Variants in TTC28 observed in about 807,000 individuals in gnomAD.
TTC28 encodes the protein tetratricopeptide repeat protein 28.
TTC28 carries 61 observed loss-of-function variants against 198.0 expected under a neutral mutation model. The observed-to-expected ratio is 0.31, with a 90% CI of 0.25 to 0.38. The LOEUF (loss-of-function observed/expected upper bound fraction) is 0.38. Among genes scored for constraint, TTC28 ranks in the 10% least tolerant of loss-of-function variants. The pLI is 1.00. For synonymous variants in TTC28, 1,171 were observed against 1,297.8 expected (o/e 0.90, Z 2.10); for missense variants, 2,678 against 3,164.0 (o/e 0.85, Z 3.69).
chr22:28,449,565 G>C lies in TTC28; in HGVS notation c.382-142922C>G, dbSNP rs140400698. ...TTAAGCAAATTCCCAATGTATCATG[G>C]CTAGAAAGTAGAAGAAAGGAAATTC... On this transcript the variant is annotated intron_variant, in intron 2 of 22. Coordinates refer to ENST00000397906, the MANE Select transcript of TTC28 (RefSeq NM_001145418.2). 2.7e-4 allele frequency among the ~76,000 whole-genome samples: 41 copies of C among 152,322 alleles called. No homozygotes were observed. In the East Asian group the frequency reaches 7.5e-3, roughly 28 times the overall value.
intron 12 of TTC28, among the ~76,000 whole-genome samples, chr22:28,082,127 T>C (rs1467892806): frequency 6.6e-6 from 1 of 152,256 alleles, no homozygotes; most frequent in East Asian, 1.9e-4. Flanking sequence ...TTACTAAATC[T>C]GTTTATTAGC....
chr22:28,621,805 T>C (rs1256179370), intron 2 of TTC28, among the ~76,000 whole-genome samples: 2 of 150,504 alleles, frequency 1.3e-5, no homozygotes, highest in South Asian at 2.1e-4. Flanking sequence ...ATGAAGGAAT[T>C]ATTTACCAAT....
intron 1 of TTC28, among the ~76,000 whole-genome samples, chr22:28,631,246 A>G (rs2051169062): frequency 6.6e-6 from 1 of 152,218 alleles, no homozygotes; most frequent in South Asian, 2.1e-4. Flanking sequence ...GTTTTAAAAT[A>G]AAAAATAAGG....
intron 5 of TTC28, among the ~76,000 whole-genome samples, chr22:28,194,563 A>C (rs2147137770): frequency 6.6e-6 from 1 of 152,286 alleles, no homozygotes; most frequent in South Asian, 2.1e-4. Context: ...AAAAGAGAGA[A>C]GAGTCAAATA....
At chr22:28,086,553 A>G (rs1941608170) in intron 12 of TTC28, among the ~76,000 whole-genome samples, 1 of 152,222 alleles carries the variant, frequency 6.6e-6, no homozygotes, top group South Asian at 2.1e-4. Context: ...TGCCCACAAG[A>G]GAAAGCAGGA....
Position 28,400,437 on chromosome 22 carries a change from C to T in TTC28, c.382-93794G>A, listed in dbSNP as rs2046889084. 3.9e-5 allele frequency among the ~76,000 whole-genome samples: 6 copies of T among 152,124 alleles called. No homozygotes were observed. The South Asian group carries it at 6.2e-4, about 16-fold the overall frequency. On this transcript the variant is annotated intron_variant, in intron 2 of 22. Coordinates refer to ENST00000397906, the MANE Select transcript of TTC28 (RefSeq NM_001145418.2). ...TTCTTATTTTAAATTAATCTTTTAG[C>T]TTATTTAATTCTTGTTTATATTTGA...
intron 2 of TTC28, among the ~76,000 whole-genome samples, chr22:28,425,089 A>C (rs1380865159): frequency 6.6e-6 from 1 of 152,246 alleles, no homozygotes; most frequent in African/African-American, 2.4e-5. Flanking sequence ...CATTTCTAAA[A>C]CACAGTTCTT....
chr22:28,384,913 G>A (rs1013956969), intron 2 of TTC28, among the ~76,000 whole-genome samples: 3 of 151,810 alleles, frequency 2.0e-5, no homozygotes, highest in Non-Finnish European at 4.4e-5. Flanking sequence ...GGCCGGGGAC[G>A]GGGGGGATCA....
Position 28,311,791 on chromosome 22 carries a change from T to C in TTC28, c.382-5148A>G, listed in dbSNP as rs1472964252. Among the ~76,000 whole-genome samples, 3 of 152,060 alleles carry C rather than the reference T, an allele frequency of 2.0e-5. No homozygotes were observed. The East Asian group carries it at 5.8e-4, about 29-fold the overall frequency. On this transcript the variant is annotated intron_variant, in intron 2 of 22. Transcript: ENST00000397906. ...TAACTATATTTTTTTACTCATTAAC[T>C]ATCTCACCTTACTCGCCCCCACACA...
intron 12 of TTC28, among the ~76,000 whole-genome samples, chr22:28,071,748 G>GAAAAAAAAAAAAAAAAAA (rs371615737): frequency 4.4e-5 from 4 of 91,126 alleles, no homozygotes; most frequent in South Asian, 3.5e-4. Flanking sequence ...AAAAAAAAAG[G>GAAAAAAAAAAAAAAAAAA]AAAAAAAAAA....
chr22:28,517,751 T>A (rs898938682), intron 2 of TTC28, among the ~76,000 whole-genome samples: 3 of 152,232 alleles, frequency 2.0e-5, no homozygotes, highest in Non-Finnish European at 4.4e-5. Context: ...TTCTTGAATA[T>A]GTTTACTAAG....
intron 2 of TTC28, among the ~76,000 whole-genome samples, chr22:28,403,207 T>C (rs753739792): frequency 6.6e-6 from 1 of 152,180 alleles, no homozygotes; most frequent in Non-Finnish European, 1.5e-5. Flanking sequence ...GTCTTTGCTA[T>C]TGGCCAATAG....
chr22:28,485,120 C>T (rs1796972482), intron 2 of TTC28, among the ~76,000 whole-genome samples: 1 of 152,166 alleles, frequency 6.6e-6, no homozygotes, highest in African/African-American at 2.4e-5. Context: ...ATAGAGTCAA[C>T]ACTTTTTAAA....
intron 5 of TTC28, among the ~76,000 whole-genome samples, chr22:28,193,242 AT>A (rs1402633018): frequency 6.6e-6 from 1 of 152,166 alleles, no homozygotes; most frequent in Non-Finnish European, 1.5e-5. Flanking sequence ...ATGCTGAGAG[AT>A]TTTGTCACCA....
intron 12 of TTC28, among the ~76,000 whole-genome samples, chr22:28,064,622 A>C (rs923166983): frequency 2.0e-5 from 3 of 152,024 alleles, no homozygotes; most frequent in Non-Finnish European, 4.4e-5. Context: ...ATATAATAAT[A>C]TTTTATTGTT....
intron 12 of TTC28, among the ~76,000 whole-genome samples, chr22:28,065,197 A>G (rs892204144): frequency 6.6e-5 from 10 of 152,202 alleles, no homozygotes; most frequent in African/African-American, 2.2e-4. Flanking sequence ...GATTATGGAC[A>G]CACGTTCTCT....
chr22:28,606,081 T>C (rs1374421576), intron 2 of TTC28, among the ~76,000 whole-genome samples: 1 of 151,382 alleles, frequency 6.6e-6, no homozygotes, highest in Non-Finnish European at 1.5e-5. Flanking sequence ...TAATTGTGAA[T>C]ACTTTTTTTT....
At chr22:28,121,898 T>C (rs891947986) in intron 6 of TTC28, among the ~76,000 whole-genome samples, 1 of 152,212 alleles carries the variant, frequency 6.6e-6, no homozygotes, top group African/African-American at 2.4e-5. Flanking sequence ...GACAGAGTCT[T>C]GCTCTATTAT....
At chr22:28,283,449 A>C (rs753045260) in intron 5 of TTC28, among the ~76,000 whole-genome samples, 41 of 152,132 alleles carry the variant, frequency 2.7e-4, no homozygotes, top group Non-Finnish European at 8.8e-5. Context: ...GAAAAATAGC[A>C]CTGTTTTCAG....
Sources: allele counts gnomAD v4.1 joint callset (sites outside exome capture counted in the v4.1 genomes callset), GRCh38; gene constraint gnomAD v4.1.1; transcripts MANE v1.5; gene names NCBI Gene and HGNC (gene_info 2026-07-23, HGNC 2026-07-21).